Variants in COA1 observed in about 807,000 individuals in gnomAD.
The protein encoded by COA1 is cytochrome c oxidase assembly factor 1, also known as cytochrome c oxidase assembly factor 1 homolog.
Under a neutral mutation model 16.0 loss-of-function variants are expected in COA1, and 13 were observed. The observed-to-expected ratio is 0.81, with a 90% CI of 0.53 to 1.29. The LOEUF is 1.29. COA1 is among the 50% of genes most tolerant of loss of function. The pLI, the probability that COA1 is intolerant of heterozygous loss-of-function variation, is 0.00. For missense variants in COA1, 179 were observed against 177.0 expected (o/e 1.01, Z -0.06); for synonymous variants, 65 against 65.7 (o/e 0.99, Z 0.05).
intron 1 of COA1, among the ~76,000 whole-genome samples, chr7:43,679,409 T>G (rs1311226508): frequency 6.6e-6 from 1 of 151,664 alleles, no homozygotes; most frequent in Non-Finnish European, 1.5e-5. Flanking sequence ...CATGGGAAAC[T>G]AGAACCTATG....
intron 1 of COA1, chr7:43,659,102 T>C (rs1367939930): frequency 2.6e-5 from 4 of 152,240 alleles, no homozygotes; most frequent in Non-Finnish European, 5.9e-5. Context: ...AAAGGCTCCA[T>C]GGCAGAGCTG....
At chr7:43,716,816 C>T (rs2095405316) in intron 1 of COA1, among the ~76,000 whole-genome samples, 1 of 152,150 alleles carries the variant, frequency 6.6e-6, no homozygotes, top group African/African-American at 2.4e-5. Flanking sequence ...GCCCAAGGTC[C>T]CCATGCTGTG....
intron 1 of COA1, among the ~76,000 whole-genome samples, chr7:43,723,063 A>G (rs964168241): frequency 2.6e-5 from 4 of 152,244 alleles, no homozygotes; most frequent in Admixed American, 2.6e-4. Flanking sequence ...TAATAATGAA[A>G]TATTAAACTG....
chr7:43,633,924 G>T (rs539559043), intron 6 of COA1, among the ~76,000 whole-genome samples: 3 of 151,606 alleles, frequency 2.0e-5, no homozygotes, highest in Non-Finnish European at 4.4e-5. Flanking sequence ...TGTTTTCTCC[G>T]CTCAGATTTT....
downstream of COA1, among the ~76,000 whole-genome samples, chr7:43,638,025 T>G (rs2086193876): frequency 6.6e-6 from 1 of 152,204 alleles, no homozygotes; most frequent in Admixed American, 6.5e-5. Context: ...AACTGTACAG[T>G]GCTCTGCCAT....
In COA1 at chr7:43,623,625, G is replaced by A. The variant is rs1376339023; in HGVS notation, c.*134-14130C>T. The A allele has an allele frequency of 3.1e-6, 5 of 1,609,900 alleles. No individual in the cohort carries two copies. The African/African-American group carries it at 5.4e-5, about 17-fold the overall frequency. On this transcript the variant is annotated intron_variant and NMD_transcript_variant, in intron 6 of 6. Coordinates refer to the COA1 transcript ENST00000415076. ...AAGCATGGCAACAGATATGTGGTAA[G>A]AGTTATTAATGAAAAATTGATCAAA... is the stretch of plus-strand genomic sequence containing the variant.
intron 1 of COA1, among the ~76,000 whole-genome samples, chr7:43,679,005 G>A (rs1031440017): frequency 5.9e-5 from 9 of 152,114 alleles, no homozygotes; most frequent in African/African-American, 1.4e-4. Context: ...AGGGCCAGGC[G>A]TGGTGGCTCA....
intron 1 of COA1, among the ~76,000 whole-genome samples, chr7:43,653,904 A>T (rs528542499): frequency 6.6e-6 from 1 of 152,248 alleles, no homozygotes; most frequent in South Asian, 2.1e-4. Context: ...TTAGTTTAAG[A>T]GGGTATCAAG....
intron 1 of COA1, among the ~76,000 whole-genome samples, chr7:43,651,132 G>A (rs1405308738): frequency 6.6e-6 from 1 of 152,230 alleles, no homozygotes; most frequent in Admixed American, 6.5e-5. Flanking sequence ...CTAACTGCAC[G>A]AATATTACCT....
intron 1 of COA1, among the ~76,000 whole-genome samples, chr7:43,703,044 G>C (rs2094814646): frequency 1.3e-5 from 2 of 152,188 alleles, no homozygotes; most frequent in South Asian, 4.1e-4. Context: ...AGTATGTTGT[G>C]TCTTTGTTTT....
intron 1 of COA1, among the ~76,000 whole-genome samples, chr7:43,684,905 C>T (rs1017462104): frequency 6.6e-6 from 1 of 152,088 alleles, no homozygotes; most frequent in Non-Finnish European, 1.5e-5. Flanking sequence ...ATTATCTTCA[C>T]ATTCATCTCC....
chr7:43,644,831 G>T (rs895960869), intron 4 of COA1, among the ~76,000 whole-genome samples: 3 of 150,960 alleles, frequency 2.0e-5, no homozygotes, highest in Non-Finnish European at 4.4e-5. Flanking sequence ...GAGAGAGAGA[G>T]AGACAGGGTC....
At chr7:43,619,523 T>C (rs2083656487) in intron 6 of COA1, 1 of 1,527,450 alleles carries the variant, frequency 6.5e-7, no homozygotes, top group Admixed American at 2.1e-5. Flanking sequence ...AGGTGAAATA[T>C]GTTTTATGGG....
At chr7:43,676,631 A>G (rs990140906) in intron 1 of COA1, among the ~76,000 whole-genome samples, 1 of 152,190 alleles carries the variant, frequency 6.6e-6, no homozygotes, top group Admixed American at 6.5e-5. Context: ...AACATAATAT[A>G]TAGTTTCAAA....
chr7:43,651,921 C>T (rs148698330), intron 1 of COA1, among the ~76,000 whole-genome samples: 5,064 of 152,064 alleles, frequency 0.033, 117 homozygotes, highest in Non-Finnish European at 0.054. Context: ...GGCTTGAGCC[C>T]AGGAGGTGGA....
chr7:43,609,952 G>A (rs1440123483), intron 6 of COA1, among the ~76,000 whole-genome samples: 1 of 152,212 alleles, frequency 6.6e-6, no homozygotes, highest in East Asian at 1.9e-4. Flanking sequence ...ACCTGGAAGG[G>A]CTTGTTAATA....
chr7:43,644,602 T>C (rs552204184), intron 4 of COA1, among the ~76,000 whole-genome samples: 8 of 151,886 alleles, frequency 5.3e-5, no homozygotes, highest in Non-Finnish European at 1.0e-4. Context: ...TCATAACTCA[T>C]TGCAGCCTCC....
At chr7:43,691,327 A>AAGAAAGAAAGAAAGAG (rs1554542189) in intron 1 of COA1, among the ~76,000 whole-genome samples, 14 of 90,482 alleles carry the variant, frequency 1.5e-4, no homozygotes, top group South Asian at 4.3e-4. Context: ...GAAAGAAAGA[A>AAGAAAGAAAGAAAGAG]AGAGAAAGAG....
chr7:43,715,006 T>TAAAAA lies in COA1; in HGVS notation c.-39+14418_-39+14422dup, dbSNP rs755827781. The stretch of plus-strand genomic sequence containing the variant: ...TGGGCAAAAGAGTGAGCCTCTTGTC[T>TAAAAA]AAAAAAAAAAAAAAAAAAAAAAAAA... On this transcript the variant is annotated intron_variant, in intron 1 of 5. Transcript: ENST00000223336. Among the ~76,000 whole-genome samples, 4 of 95,786 alleles carry TAAAAA rather than the reference T, an allele frequency of 4.2e-5. No homozygotes were observed. The South Asian group carries it at 1.2e-3, about 30-fold the overall frequency. The allele number at this position is 95,786 out of a possible 152,430, so 62.8% of individuals were successfully genotyped here.
Sources: allele counts gnomAD v4.1 joint callset (sites outside exome capture counted in the v4.1 genomes callset), GRCh38; gene constraint gnomAD v4.1.1; transcripts MANE v1.5; gene names NCBI Gene and HGNC (gene_info 2026-07-23, HGNC 2026-07-21).